RPL35A: variants seen among roughly 807,000 people sequenced by gnomAD.
RPL35A encodes the protein large ribosomal subunit protein eL33.
RPL35A carries 1 observed loss-of-function variant against 16.7 expected under a neutral mutation model. The observed-to-expected ratio is 0.06, with a 90% CI of 0.02 to 0.28. RPL35A has a LOEUF of 0.28. RPL35A is among the 10% of genes least tolerant of loss of function. RPL35A has a pLI of 1.00. For synonymous variants in RPL35A, 58 were observed against 47.0 expected, an observed-to-expected ratio of 1.23 and a Z score of -0.96; for missense variants, 91 against 138.7, an observed-to-expected ratio of 0.66 and a Z score of 1.73.
chr3:197,952,518 G>T (rs1342579696), intron 3 of RPL35A: 2 of 151,392 alleles, frequency 1.3e-5, no homozygotes, highest in Non-Finnish European at 2.9e-5. Context: ...TTTTGAGACA[G>T]AGTTTTGCTC....
chr3:197,952,262 C>T (rs1184873793), intron 3 of RPL35A, among the ~76,000 whole-genome samples: 6 of 149,010 alleles, frequency 4.0e-5, no homozygotes, highest in African/African-American at 1.5e-4. Context: ...CTCCGCCTCC[C>T]GGGTTCAAGG....
At chr3:197,953,341 A>G (rs1720269593) in intron 3 of RPL35A, 1 of 431,466 alleles carries the variant, frequency 2.3e-6, no homozygotes, top group Non-Finnish European at 4.7e-6. Flanking sequence ...GGGCCACTGT[A>G]CTGCAGCCTG....
rs890177445 is a variant in RPL35A at position 197,951,326 on chromosome 3, C to T, written c.164+15C>T. The T allele has an allele frequency of 2.1e-5, 34 of 1,613,582 alleles. No individual in the cohort carries two copies. The highest frequency in any genetic ancestry group is 1.3e-4 in the Admixed American group (8 of 59,990). ...AAAGCAAAGAAGTAAGTTTATGACA[C>T]TGGTAGGTTTTGGGTTTTTGAGATC... On this transcript the variant is annotated intron_variant, in intron 3 of 4. Transcript: ENST00000647248.
At position 197,956,139 on chromosome 3, in the gene RPL35A, T is replaced by C. The variant is rs903778777; in HGVS notation, c.*366T>C. On this transcript the variant is annotated 3_prime_UTR_variant, in exon 5 of 5. Transcript: ENST00000647248. ...CCCTGGGTCATTTTTAAATTTTTTG[T>C]AGAGAGGGTCTGACTCTTGCCTATG... 5 of 287,232 alleles carry C rather than the reference T, an allele frequency of 1.7e-5. No homozygotes were observed. Among genetic ancestry groups the C allele is most frequent in the Middle Eastern group, 1.3e-3 (1 of 798 alleles). 17.8% of individuals were successfully genotyped at this position (287,232 alleles called of 1,614,324 possible). A position where few individuals can be genotyped will look rare whatever the true frequency, so the allele number is the denominator to read the frequency against.
At chr3:197,951,086 G>C in intron 2 of RPL35A, 73 bp from the exon 3 acceptor site, 1 of 1,606,232 alleles carries the variant, frequency 6.2e-7, no homozygotes, top group Non-Finnish European at 8.5e-7. Context: ...AGTAACTTTT[G>C]GGTGGGGGTG....
intron 3 of RPL35A, chr3:197,951,513 C>T (rs929225484): frequency 8.3e-5 from 48 of 575,648 alleles, no homozygotes; most frequent in African/African-American, 2.1e-4. Flanking sequence ...CCACCACGCC[C>T]GGCTAGTTTT....
chr3:197,954,045 C>T lies in RPL35A; in HGVS notation c.207C>T (p.Val69=). Reference sequence around the variant, plus strand: ...GCGGCAAACCAAACAAAACCAGAGTCATCTGGGGAAAAGTAACTCGGGCCC... The same window carrying T: ...GCGGCAAACCAAACAAAACCAGAGTTATCTGGGGAAAAGTAACTCGGGCCC... The part of the protein sequence containing the change: ...TPGGKPNKTR[V]IWGKVTRAHG... The change falls in exon 4 of 5, where the codon GTC becomes GTT. Residue 69 remains valine (V), a synonymous_variant. Coordinates refer to ENST00000647248, the MANE Select transcript of RPL35A (RefSeq NM_000996.4). 2.5e-6 allele frequency: 4 copies of T among 1,613,848 alleles called. No individual in the cohort carries two copies. The highest frequency in any genetic ancestry group is 3.4e-6 in the Non-Finnish European group (4 of 1,179,994).
chr3:197,950,338 G>C, intron 1 of RPL35A, 117 bp downstream of exon 1: 1 of 1,226,254 alleles, frequency 8.2e-7, no homozygotes, highest in Non-Finnish European at 1.0e-6. Context: ...GATTTCTACG[G>C]GTTTCAAGAA....
At chr3:197,954,308 G>T in intron 4 of RPL35A, 161 bp downstream of exon 4, 1 of 745,428 alleles carries the variant, frequency 1.3e-6, no homozygotes, top group Non-Finnish European at 2.3e-6. Flanking sequence ...GTAATTGAAA[G>T]AATTAGGTGT....
At chr3:197,954,270 TTG>T in intron 4 of RPL35A, 123 bp downstream of exon 4, 1 of 936,370 alleles carries the variant, frequency 1.1e-6, no homozygotes, top group Admixed American at 2.0e-5. Flanking sequence ...GCTGCAAAAT[TTG>T]TGTATTGCAG....
At position 197,954,398 on chromosome 3, in the gene RPL35A, A is replaced by G. The variant is rs150054166; in HGVS notation, c.309+251A>G. ...ACCCAGGCTGGGGTGCAGTGGCATA[A>G]TCACAGCTTATTGCAGCCTCGACCT... On this transcript the variant is annotated intron_variant, in intron 4 of 4. Coordinates refer to ENST00000647248, the MANE Select transcript of RPL35A (RefSeq NM_000996.4). 633 of 532,788 alleles carry G rather than the reference A, an allele frequency of 1.2e-3. 4 individuals carry two copies. Among genetic ancestry groups the G allele is most frequent in the Middle Eastern group, 5.9e-3 (11 of 1,866 alleles). The allele number at this position is 532,788 out of a possible 1,614,324, so 33.0% of individuals were successfully genotyped here. A position where few individuals can be genotyped will look rare whatever the true frequency, so the allele number is the denominator to read the frequency against.
At chr3:197,953,367 C>G in intron 3 of RPL35A, 1 of 449,328 alleles carries the variant, frequency 2.2e-6, no homozygotes, top group Non-Finnish European at 4.5e-6. Flanking sequence ...CAAGACAACC[C>G]CGTGGTCTTT....
At chr3:197,950,559 T>C in intron 1 of RPL35A, 1 of 330,368 alleles carries the variant, frequency 3.0e-6, no homozygotes, top group South Asian at 4.7e-5. Context: ...ACCAGTCTCT[T>C]TCCTCAGCTT....
In RPL35A at chr3:197,954,014, C is replaced by A. The variant is rs1434914685; in HGVS notation, c.176C>A (p.Thr59Asn). Residue 59 changes from threonine (T) to asparagine (N), a missense_variant, in exon 4 of 5, where the codon ACT becomes AAT. Coordinates refer to ENST00000647248, the MANE Select transcript of RPL35A (RefSeq NM_000996.4). ...CTTTTTAAAATCAGCAACACAGTCA[C>A]TCCTGGCGGCAAACCAAACAAAACC... is the stretch of plus-strand genomic sequence containing the variant. ...YVYKAKNNTV[T>N]PGGKPNKTRV... 6.2e-7 allele frequency: 1 copy of A among 1,613,112 alleles called. No individual in the cohort carries two copies. Among genetic ancestry groups the A allele is most frequent in the Non-Finnish European group, 8.5e-7 (1 of 1,179,970 alleles).
intron 3 of RPL35A, among the ~76,000 whole-genome samples, chr3:197,953,289 T>C (rs1478388165): frequency 6.6e-6 from 1 of 152,184 alleles, no homozygotes; most frequent in Non-Finnish European, 1.5e-5. Context: ...GGTGGGAGGA[T>C]TGCTTGATGC....
At chr3:197,955,104 CTG>C (rs1177650836) in intron 4 of RPL35A, among the ~76,000 whole-genome samples, 1 of 151,998 alleles carries the variant, frequency 6.6e-6, no homozygotes, top group Non-Finnish European at 1.5e-5. Flanking sequence ...GGAATGTAGA[CTG>C]TATATTCTTG....
chr3:197,950,974 G>A lies in RPL35A; in HGVS notation c.7G>A (p.Gly3Arg). Residue 3 changes from glycine (G) to arginine (R), a missense_variant, in exon 2 of 5, where the codon GGA (glycine) becomes AGA (arginine). Transcript: ENST00000647248. MSGRLWSKAIFAG... is the reference protein window; with the variant it reads MSRRLWSKAIFAG... ...GGGACTTCTAAAAGGAACTATGTCTGGAAGGTACGCGTTTTAAATATAGTT... is the reference window on the plus strand; with the variant it reads ...GGGACTTCTAAAAGGAACTATGTCTAGAAGGTACGCGTTTTAAATATAGTT... The A allele has an allele frequency of 6.2e-7, 1 of 1,613,816 alleles. No individual in the cohort carries two copies. Among genetic ancestry groups the A allele is most frequent in the Non-Finnish European group, 8.5e-7 (1 of 1,179,692 alleles).
chr3:197,956,008 G>A lies in RPL35A; in HGVS notation c.*235G>A. On this transcript the variant is annotated 3_prime_UTR_variant, in exon 5 of 5. Transcript: ENST00000647248. ...ATCTTTGACAGAGTCTTGCTCTGTT[G>A]CCCATGCTGGAGTGTAGTGGTGCTC... 3 of 518,624 alleles carry A rather than the reference G, an allele frequency of 5.8e-6. No homozygotes were observed. The highest frequency in any genetic ancestry group is 1.1e-5 in the Non-Finnish European group (3 of 285,410). The allele number at this position is 518,624 out of a possible 1,614,324, so 32.1% of individuals were successfully genotyped here. A position where few individuals can be genotyped will look rare whatever the true frequency, so the allele number is the denominator to read the frequency against.
Position 197,951,217 on chromosome 3 carries a change from C to T in RPL35A, c.70C>T (p.His24Tyr), listed in dbSNP as rs11547009. The T allele has an allele frequency of 1.9e-6, 3 of 1,614,150 alleles. No individual in the cohort carries two copies. Among genetic ancestry groups the T allele is most frequent in the South Asian group, 2.2e-5 (2 of 91,084 alleles). ...GCGGGGTCTCCGGAACCAAAGGGAG[C>T]ACACAGCTCTTCTTAAAATTGAAGG... ...YKRGLRNQREHTALLKIEGVY... is the reference protein window; with the variant it reads ...YKRGLRNQREYTALLKIEGVY... The change falls in exon 3 of 5, where the codon CAC becomes TAC. Residue 24 changes from histidine to tyrosine, a missense_variant. Physicochemically the swap from His to Tyr is moderately conservative, Grantham distance 83. Coordinates refer to ENST00000647248, the MANE Select transcript of RPL35A (RefSeq NM_000996.4).
Sources: gnomAD v4.1 joint callset for allele counts (sites outside exome capture counted in the v4.1 genomes callset) on GRCh38, gnomAD v4.1.1 for gene constraint, MANE v1.5 for transcripts, NCBI Gene and HGNC (gene_info 2026-07-23, HGNC 2026-07-21) for gene names.